Variants in HACE1 observed in about 807,000 individuals in gnomAD.
HACE1 encodes the protein HECT domain and ankyrin repeat containing E3 ubiquitin protein ligase 1.
In HACE1, 73 loss-of-function variants were observed where a neutral mutation model predicts 118.4. The observed-to-expected ratio is 0.62, with a 90% CI of 0.51 to 0.75. The LOEUF is 0.75. Ranked by LOEUF, HACE1 falls within the 30% of genes least tolerant of loss-of-function variation. The pLI, the probability that HACE1 is intolerant of heterozygous loss-of-function variation, is 0.00. For missense variants in HACE1, 749 were observed against 1,102.2 expected (o/e 0.68, Z 4.54); for synonymous variants, 368 against 374.8 (o/e 0.98, Z 0.21).
At chr6:104,849,704 A>C (rs548489289) in intron 3 of HACE1, among the ~76,000 whole-genome samples, 1 of 147,358 alleles carries the variant, frequency 6.8e-6, no homozygotes, top group African/African-American at 2.5e-5. Context: ...GCTGGAGTGC[A>C]GTGGTGCGAT....
chr6:104,818,884 A>T (rs139234567), intron 6 of HACE1, among the ~76,000 whole-genome samples: 118 of 152,298 alleles, frequency 7.7e-4, no homozygotes, highest in African/African-American at 2.6e-3. Context: ...TTGAAGGAAC[A>T]TACCTCAAAA....
At chr6:104,738,823 C>A (rs1440552889) in intron 22 of HACE1, among the ~76,000 whole-genome samples, 1 of 148,906 alleles carries the variant, frequency 6.7e-6, no homozygotes, top group Admixed American at 6.7e-5. Context: ...GAGAATGCCA[C>A]AAAGATACTC....
At chr6:104,794,545 T>C (rs893168258) in intron 10 of HACE1, among the ~76,000 whole-genome samples, 1 of 152,240 alleles carries the variant, frequency 6.6e-6, no homozygotes, top group Non-Finnish European at 1.5e-5. Flanking sequence ...AATTTCAACA[T>C]AGAGATCTTG....
intron 22 of HACE1, among the ~76,000 whole-genome samples, chr6:104,734,447 G>A (rs1199562806): frequency 6.6e-6 from 1 of 152,068 alleles, no homozygotes; most frequent in East Asian, 1.9e-4. Context: ...TATACTTTTG[G>A]TTTTGAATGA....
At chr6:104,822,317 A>G (rs1772833392) in intron 6 of HACE1, among the ~76,000 whole-genome samples, 1 of 150,012 alleles carries the variant, frequency 6.7e-6, no homozygotes, top group Admixed American at 6.7e-5. Context: ...CAGGAGGCAG[A>G]GCTTGCAGTG....
chr6:104,822,782 A>T (rs1267362843), intron 6 of HACE1, among the ~76,000 whole-genome samples: 35 of 152,132 alleles, frequency 2.3e-4, no homozygotes, highest in Non-Finnish European at 1.5e-5. Context: ...GCTTGGACTC[A>T]GGAGGCGGAG....
chr6:104,844,413 G>A (rs879293627), intron 4 of HACE1, among the ~76,000 whole-genome samples: 1 of 133,600 alleles, frequency 7.5e-6, no homozygotes, highest in African/African-American at 2.8e-5. Context: ...ATGCGATCTC[G>A]GCTCACTGCA....
At chr6:104,815,205 G>A (rs1273957026) in intron 6 of HACE1, among the ~76,000 whole-genome samples, 1 of 137,542 alleles carries the variant, frequency 7.3e-6, no homozygotes, top group Admixed American at 7.2e-5. Context: ...ATGACGTCCA[G>A]GCTGAGGTGA....
chr6:104,752,461 T>A (rs956916096), intron 19 of HACE1, among the ~76,000 whole-genome samples: 1 of 151,898 alleles, frequency 6.6e-6, no homozygotes, highest in Non-Finnish European at 1.5e-5. Flanking sequence ...GCCCCATTCA[T>A]ATAATTAATT....
intron 14 of HACE1, among the ~76,000 whole-genome samples, chr6:104,779,425 T>C (rs1473550870): frequency 6.6e-6 from 1 of 152,206 alleles, no homozygotes; most frequent in East Asian, 1.9e-4. Context: ...CTTTTAATAT[T>C]TGCTTTCAGT....
chr6:104,738,456 T>C (rs1398282975), intron 22 of HACE1, among the ~76,000 whole-genome samples: 2 of 147,422 alleles, frequency 1.4e-5, no homozygotes, highest in Admixed American at 1.3e-4. Flanking sequence ...GAATAACCAA[T>C]ACAGAGAAGT....
intron 19 of HACE1, among the ~76,000 whole-genome samples, chr6:104,761,484 T>A (rs1291463677): frequency 6.6e-6 from 1 of 152,198 alleles, no homozygotes; most frequent in African/African-American, 2.4e-5. Context: ...TTGGGAAAAC[T>A]GGCTAGCCAT....
At chr6:104,734,680 G>A (rs1452380696) in intron 22 of HACE1, among the ~76,000 whole-genome samples, 2 of 152,068 alleles carry the variant, frequency 1.3e-5, no homozygotes, top group African/African-American at 4.8e-5. Flanking sequence ...ATTCAAGTGT[G>A]GATTTGCCAC....
intron 10 of HACE1, among the ~76,000 whole-genome samples, chr6:104,794,875 C>T (rs1783443451): frequency 6.7e-6 from 1 of 150,250 alleles, no homozygotes; most frequent in Non-Finnish European, 1.5e-5. Flanking sequence ...GCCTGGGTAA[C>T]AGAGTGAGAG....
chr6:104,819,246 G>T (rs1024049303), intron 6 of HACE1, among the ~76,000 whole-genome samples: 3 of 151,990 alleles, frequency 2.0e-5, no homozygotes, highest in African/African-American at 7.2e-5. Context: ...TACACCAAGA[G>T]TCAAGCTGAG....
rs1772711566 is a variant in HACE1 at position 104,821,504 on chromosome 6, A to T, written c.535-10111T>A. On this transcript the variant is annotated intron_variant, in intron 6 of 23. Coordinates refer to ENST00000262903, the MANE Select transcript of HACE1 (RefSeq NM_020771.4). ...ACAAAATATACTATTTATAAAAACTATACTGTTAAAACTATGTAATGATAT... is the reference window on the plus strand; with the variant it reads ...ACAAAATATACTATTTATAAAAACTTTACTGTTAAAACTATGTAATGATAT... 5.3e-5 allele frequency among the ~76,000 whole-genome samples: 8 copies of T among 152,342 alleles called. No homozygotes were observed. In the South Asian group the frequency reaches 1.7e-3, roughly 32 times the overall value.
At chr6:104,844,684 C>T (rs1437006729) in intron 4 of HACE1, among the ~76,000 whole-genome samples, 2 of 129,480 alleles carry the variant, frequency 1.5e-5, no homozygotes, top group African/African-American at 6.2e-5. Flanking sequence ...TTTTTTGAGA[C>T]AGAGTTTCAC....
At chr6:104,776,589 TA>T in intron 17 of HACE1, 151 bp downstream of exon 17, 1 of 664,866 alleles carries the variant, frequency 1.5e-6, no homozygotes, top group Non-Finnish European at 2.7e-6. Flanking sequence ...TGAATGCAGA[TA>T]AAAACTCTGA....
At chr6:104,753,615 G>A (rs563476275) in intron 19 of HACE1, among the ~76,000 whole-genome samples, 10 of 152,136 alleles carry the variant, frequency 6.6e-5, no homozygotes, top group Admixed American at 3.3e-4. Context: ...AAGGCAACTG[G>A]GGTCTGGAGA....
Sources: gnomAD v4.1 joint callset for allele counts (sites outside exome capture counted in the v4.1 genomes callset) on GRCh38, gnomAD v4.1.1 for gene constraint, MANE v1.5 for transcripts, NCBI Gene and HGNC (gene_info 2026-07-23, HGNC 2026-07-21) for gene names.